Variants in EFNA3 observed in about 807,000 individuals in gnomAD.
EFNA3 encodes ephrin-A3.
Under a neutral mutation model 25.0 loss-of-function variants are expected in EFNA3, and 15 were observed. The ratio of observed to expected loss-of-function variants is 0.60; its 90% CI spans 0.40 to 0.92. The LOEUF (loss-of-function observed/expected upper bound fraction) is 0.92. Ranked by LOEUF, EFNA3 falls within the 40% of genes least tolerant of loss-of-function variation. The pLI, the probability that EFNA3 is intolerant of heterozygous loss-of-function variation, is 0.00. For synonymous variants in EFNA3, 153 were observed against 145.6 expected (o/e 1.05, Z -0.37); for missense variants, 298 against 323.8 (o/e 0.92, Z 0.61).
At chr1:155,082,296 G>A (rs1355894406) in intron 1 of EFNA3, among the ~76,000 whole-genome samples, 4 of 152,076 alleles carry the variant, frequency 2.6e-5, no homozygotes, top group Non-Finnish European at 5.9e-5. Context: ...TCTGCAGCCC[G>A]GCGTCTAAGA....
chr1:155,078,994 T>A lies in EFNA3; in HGVS notation c.53T>A (p.Leu18Gln). The change falls in exon 1 of 5, where the codon CTG becomes CAG. Residue 18 changes from leucine to glutamine, a missense_variant. Physicochemically the swap from Leu to Gln is moderately radical, Grantham distance 113. Transcript: ENST00000368408. ...CTGCTGCTCGTGCCCGTGCCGCTGC[T>A]GCCGCTGCTGGCCCAAGGGCCCGGA... ...LLLLLVPVPL[L>Q]PLLAQGPGGA... The A allele has an allele frequency of 2.8e-6, 4 of 1,435,514 alleles. No individual in the cohort carries two copies. Among genetic ancestry groups the A allele is most frequent in the Non-Finnish European group, 9.2e-7 (1 of 1,091,244 alleles). The allele number at this position is 1,435,514 out of a possible 1,614,324, so 88.9% of individuals were successfully genotyped here.
At position 155,086,664 on chromosome 1, in the gene EFNA3, G is replaced by T; in HGVS notation, c.*121G>T. The T allele has an allele frequency of 7.7e-7, 1 of 1,294,592 alleles. No individual in the cohort carries two copies. The highest frequency in any genetic ancestry group is 1.1e-6 in the Non-Finnish European group (1 of 944,884). The allele number at this position is 1,294,592 out of a possible 1,614,324, so 80.2% of individuals were successfully genotyped here. ...CCCTCCTCCCATGGCTAGAAGTGGG[G>T]CCTGCACCATACATCTGTGTCCGCC... On this transcript the variant is annotated 3_prime_UTR_variant, in exon 5 of 5. Transcript: ENST00000368408.
rs1326309599 is a variant in EFNA3 at position 155,079,107 on chromosome 1, C to T, written c.128+38C>T. On this transcript the variant is annotated intron_variant, in intron 1 of 4. Coordinates refer to ENST00000368408, the MANE Select transcript of EFNA3 (RefSeq NM_004952.5). The surrounding 1 kb of genome is among the most constrained non-coding windows in gnomAD (Gnocchi z 7.7). ...CCCTGGGAGTCCGCGCGTCCCGTCT[C>T]AGTGAGAGGGGGAGCCGGTGGGCCC... 3 of 1,296,724 alleles carry T rather than the reference C, an allele frequency of 2.3e-6. No individual in the cohort carries two copies. The allele number at this position is 1,296,724 out of a possible 1,614,324, so 80.3% of individuals were successfully genotyped here. A position where few individuals can be genotyped will look rare whatever the true frequency, so the allele number is the denominator to read the frequency against.
At position 155,079,116 on chromosome 1, in the gene EFNA3, G is replaced by T. The variant is rs1663291846; in HGVS notation, c.128+47G>T. The T allele has an allele frequency of 9.3e-6, 12 of 1,294,316 alleles. No individual in the cohort carries two copies. Among genetic ancestry groups the T allele is most frequent in the African/African-American group, 1.5e-5 (1 of 64,562 alleles). The allele number at this position is 1,294,316 out of a possible 1,614,324, so 80.2% of individuals were successfully genotyped here. ...TCCGCGCGTCCCGTCTCAGTGAGAG[G>T]GGGAGCCGGTGGGCCCGAGAAGTCC... On this transcript the variant is annotated intron_variant, in intron 1 of 4. Coordinates refer to ENST00000368408, the MANE Select transcript of EFNA3 (RefSeq NM_004952.5). This position sits in a 1 kb window ranked among gnomAD's most constrained non-coding sequence, Gnocchi z 7.7.
Position 155,086,013 on chromosome 1 carries a change from G to C in EFNA3, c.508+71G>C, listed in dbSNP as rs1452579656. Reference sequence around the variant, plus strand: ...GCTTTGGGGCTCCCCTGGCTTCCTGGGGGTGGGGGCGGAGGGCACAGGTGA... The same window carrying C: ...GCTTTGGGGCTCCCCTGGCTTCCTGCGGGTGGGGGCGGAGGGCACAGGTGA... On this transcript the variant is annotated intron_variant, in intron 3 of 4. Transcript: ENST00000368408. 3 of 1,575,910 alleles carry C rather than the reference G, an allele frequency of 1.9e-6. No individual in the cohort carries two copies. The East Asian group carries it at 7.1e-5, about 37-fold the overall frequency.
At position 155,086,108 on chromosome 1, in the gene EFNA3, A is replaced by ACCCCCC; in HGVS notation, c.509-17_509-16insCCCCCC. 3 of 973,070 alleles carry ACCCCCC rather than the reference A, an allele frequency of 3.1e-6. No individual in the cohort carries two copies. The highest frequency in any genetic ancestry group is 2.5e-5 in the South Asian group (2 of 78,822). 60.3% of individuals were successfully genotyped at this position (973,070 alleles called of 1,614,324 possible). On this transcript the variant is annotated intron_variant, in intron 3 of 4. Coordinates refer to ENST00000368408, the MANE Select transcript of EFNA3 (RefSeq NM_004952.5). ...CCTGACTCTCCCCTCCTCTCTCCCC[A>ACCCCCC]CCCGCACCCCACCCCGCAGCATCGC... is the stretch of plus-strand genomic sequence containing the variant.
Position 155,085,205 on chromosome 1 carries a change from C to T in EFNA3, c.243C>T (p.Gly81=), listed in dbSNP as rs770370218. The T allele has an allele frequency of 1.2e-6, 2 of 1,612,814 alleles. No individual in the cohort carries two copies. Among genetic ancestry groups the T allele is most frequent in the Non-Finnish European group, 1.7e-6 (2 of 1,179,832 alleles). ...VGPGAGPGPG[G]GAEQYVLYMV... ...CCGGGGCGGGACCGGGGCCCGGAGG[C>T]GGGGCAGAGCAGTACGTGCTGTACA... Residue 81 remains glycine, a synonymous_variant, in exon 2 of 5, where the codon GGC becomes GGT. Transcript: ENST00000368408. This position sits in a 1 kb window ranked among gnomAD's most constrained non-coding sequence, Gnocchi z 4.4.
chr1:155,085,961 G>A lies in EFNA3; in HGVS notation c.508+19G>A, dbSNP rs746587957. The A allele has an allele frequency of 6.3e-7, 1 of 1,599,334 alleles. No homozygotes were observed. Among genetic ancestry groups the A allele is most frequent in the Non-Finnish European group, 8.5e-7 (1 of 1,173,368 alleles). On this transcript the variant is annotated intron_variant, in intron 3 of 4. Transcript: ENST00000368408. The surrounding 1 kb of genome is among the most constrained non-coding windows in gnomAD (Gnocchi z 4.4). Reference sequence around the variant, plus strand: ...GCCTCCAGTGAGTAGAATAGGCTCCGAGCCGCGCCCCCATCCTCAGCTCCC... The same window carrying A: ...GCCTCCAGTGAGTAGAATAGGCTCCAAGCCGCGCCCCCATCCTCAGCTCCC...
At position 155,079,138 on chromosome 1, in the gene EFNA3, G is replaced by T. The variant is rs1663292447; in HGVS notation, c.128+69G>T. On this transcript the variant is annotated intron_variant, in intron 1 of 4. Coordinates refer to ENST00000368408, the MANE Select transcript of EFNA3 (RefSeq NM_004952.5). The surrounding 1 kb of genome is among the most constrained non-coding windows in gnomAD (Gnocchi z 7.7). ...GAGGGGGAGCCGGTGGGCCCGAGAAGTCCTGGGGGATCCCGGGGTGGGAGT... is the reference window on the plus strand; with the variant it reads ...GAGGGGGAGCCGGTGGGCCCGAGAATTCCTGGGGGATCCCGGGGTGGGAGT... The T allele has an allele frequency of 1.6e-6, 2 of 1,279,030 alleles. No homozygotes were observed. The highest frequency in any genetic ancestry group is 3.1e-5 in the African/African-American group (2 of 64,326). 79.2% of individuals were successfully genotyped at this position (1,279,030 alleles called of 1,614,324 possible). A position where few individuals can be genotyped will look rare whatever the true frequency, so the allele number is the denominator to read the frequency against.
At position 155,080,442 on chromosome 1, in the gene EFNA3, C is replaced by G. The variant is rs759477549; in HGVS notation, c.128+1373C>G. Reference sequence around the variant, plus strand: ...CCTCGGGGGTGGGGACGTGGCCCCTCCCCCCCGGAGCGGGACTCCAAGAAC... The same window carrying G: ...CCTCGGGGGTGGGGACGTGGCCCCTGCCCCCCGGAGCGGGACTCCAAGAAC... On this transcript the variant is annotated intron_variant, in intron 1 of 4. Coordinates refer to ENST00000368408, the MANE Select transcript of EFNA3 (RefSeq NM_004952.5). This position sits in a 1 kb window ranked among gnomAD's most constrained non-coding sequence, Gnocchi z 7.0. Among the ~76,000 whole-genome samples the G allele has an allele frequency of 6.6e-6, 1 of 152,022 alleles. No homozygotes were observed. Among genetic ancestry groups the G allele is most frequent in the Non-Finnish European group, 1.5e-5 (1 of 67,952 alleles).
At position 155,081,339 on chromosome 1, in the gene EFNA3, C is replaced by T. The variant is rs561574456; in HGVS notation, c.128+2270C>T. ...GTATGAGGTCGAGGAGTCCCCTAAG[C>T]CGGGAATCGAACTTGGTGAGGGGGG... On this transcript the variant is annotated intron_variant, in intron 1 of 4. Coordinates refer to ENST00000368408, the MANE Select transcript of EFNA3 (RefSeq NM_004952.5). The surrounding 1 kb of genome is among the most constrained non-coding windows in gnomAD (Gnocchi z 5.2). Among the ~76,000 whole-genome samples the T allele has an allele frequency of 3.0e-3, 454 of 152,352 alleles. 3 individuals are homozygous for T. Among genetic ancestry groups the T allele is most frequent in the African/African-American group, 0.01 (431 of 41,574 alleles).
In EFNA3 at chr1:155,085,888, C is replaced by G. The variant is rs374357443; in HGVS notation, c.454C>G (p.His152Asp). ...HEYYYISTPTHNLHWKCLRMK... is the reference protein window; with the variant it reads ...HEYYYISTPTDNLHWKCLRMK... ...GGTCTCCTCCCCAGCCACGCCCACTCACAACCTGCACTGGAAGTGTCTGAG... is the reference window on the plus strand; with the variant it reads ...GGTCTCCTCCCCAGCCACGCCCACTGACAACCTGCACTGGAAGTGTCTGAG... Residue 152 changes from histidine to aspartate, a missense_variant, in exon 3 of 5, where the codon CAC (histidine) becomes GAC (aspartate). Physicochemically the swap from His to Asp is moderately conservative, Grantham distance 81 (BLOSUM62 -1). Transcript: ENST00000368408. The surrounding 1 kb of genome is among the most constrained non-coding windows in gnomAD (Gnocchi z 4.4). 5.8e-5 allele frequency: 93 copies of G among 1,613,384 alleles called. No individual in the cohort carries two copies. The highest frequency in any genetic ancestry group is 7.5e-5 in the Non-Finnish European group (89 of 1,179,748).
rs1404993986 is a variant in EFNA3 at position 155,078,855 on chromosome 1, G to A, written c.-87G>A. On this transcript the variant is annotated 5_prime_UTR_variant, in exon 1 of 5. Transcript: ENST00000368408. ...GGGGCGTGGCCTAAGGCTGGGGGCCGACGGCGGCGGCAGCAGGGAGCTGGG... is the reference window on the plus strand; with the variant it reads ...GGGGCGTGGCCTAAGGCTGGGGGCCAACGGCGGCGGCAGCAGGGAGCTGGG... 4.6e-6 allele frequency: 6 copies of A among 1,297,458 alleles called. No homozygotes were observed. The South Asian group carries it at 9.3e-5, about 20-fold the overall frequency. 80.4% of individuals were successfully genotyped at this position (1,297,458 alleles called of 1,614,324 possible).
In EFNA3 at chr1:155,079,108, A is replaced by T; in HGVS notation, c.128+39A>T. On this transcript the variant is annotated intron_variant, in intron 1 of 4. Coordinates refer to ENST00000368408, the MANE Select transcript of EFNA3 (RefSeq NM_004952.5). The surrounding 1 kb of genome is among the most constrained non-coding windows in gnomAD (Gnocchi z 7.7). Reference sequence around the variant, plus strand: ...CCTGGGAGTCCGCGCGTCCCGTCTCAGTGAGAGGGGGAGCCGGTGGGCCCG... The same window carrying T: ...CCTGGGAGTCCGCGCGTCCCGTCTCTGTGAGAGGGGGAGCCGGTGGGCCCG... 7.9e-7 allele frequency: 1 copy of T among 1,269,454 alleles called. No individual in the cohort carries two copies. 78.6% of individuals were successfully genotyped at this position (1,269,454 alleles called of 1,614,324 possible).
Position 155,086,894 on chromosome 1 carries a change from C to A in EFNA3, c.*351C>A, listed in dbSNP as rs906699172. ...TTTGTCCCCCCAGAGAGACATATGC[C>A]CCCAGAGAGAGCAAATCGAAGCGTG... On this transcript the variant is annotated 3_prime_UTR_variant, in exon 5 of 5. Transcript: ENST00000368408. The A allele has an allele frequency of 1.4e-5, 3 of 221,708 alleles. No individual in the cohort carries two copies. The highest frequency in any genetic ancestry group is 5.4e-5 in the Admixed American group (1 of 18,586). 13.7% of individuals were successfully genotyped at this position (221,708 alleles called of 1,614,324 possible). A position where few individuals can be genotyped will look rare whatever the true frequency, so the allele number is the denominator to read the frequency against.
Position 155,079,115 on chromosome 1 carries a change from G to C in EFNA3, c.128+46G>C, listed in dbSNP as rs912619047. The C allele has an allele frequency of 2.3e-6, 3 of 1,292,956 alleles. No individual in the cohort carries two copies. Among genetic ancestry groups the C allele is most frequent in the South Asian group, 2.6e-5 (1 of 38,936 alleles). The allele number at this position is 1,292,956 out of a possible 1,614,324, so 80.1% of individuals were successfully genotyped here. ...GTCCGCGCGTCCCGTCTCAGTGAGA[G>C]GGGGAGCCGGTGGGCCCGAGAAGTC... On this transcript the variant is annotated intron_variant, in intron 1 of 4. Transcript: ENST00000368408. The surrounding 1 kb of genome is among the most constrained non-coding windows in gnomAD (Gnocchi z 7.7).
At chr1:155,083,304 C>T (rs1663379499) in intron 1 of EFNA3, among the ~76,000 whole-genome samples, 1 of 152,218 alleles carries the variant, frequency 6.6e-6, no homozygotes, top group Non-Finnish European at 1.5e-5. Context: ...AGACCTGGCA[C>T]CCTCACCACT....
At chr1:155,086,295 GC>G in intron 4 of EFNA3, 90 bp downstream of exon 4, 1 of 1,594,644 alleles carries the variant, frequency 6.3e-7, no homozygotes, top group South Asian at 1.1e-5. Flanking sequence ...TTCCCTGGGG[GC>G]ACTGATACTT....
chr1:155,085,677 C>T lies in EFNA3; in HGVS notation c.443-200C>T. On this transcript the variant is annotated intron_variant, in intron 2 of 4. Transcript: ENST00000368408. The surrounding 1 kb of genome is among the most constrained non-coding windows in gnomAD (Gnocchi z 4.4). The stretch of plus-strand genomic sequence containing the variant: ...ATTCCGGGGTTGGAACATCAGGGAT[C>T]CCAGTTTCTTGAGGGGTGGGACCAA... The T allele has an allele frequency of 1.4e-6, 1 of 694,794 alleles. No homozygotes were observed. The highest frequency in any genetic ancestry group is 2.4e-6 in the Non-Finnish European group (1 of 421,336). The allele number at this position is 694,794 out of a possible 1,614,324, so 43.0% of individuals were successfully genotyped here. A position where few individuals can be genotyped will look rare whatever the true frequency, so the allele number is the denominator to read the frequency against.
Sources: allele counts gnomAD v4.1 joint callset (sites outside exome capture counted in the v4.1 genomes callset), GRCh38; gene constraint gnomAD v4.1.1; non-coding constraint Gnocchi (gnomAD v3.1); transcripts MANE v1.5; gene names NCBI Gene and HGNC (gene_info 2026-07-23, HGNC 2026-07-21).